The following LIPC variants were observed in gnomAD, a reference collection of about 807,000 sequenced individuals.
LIPC encodes the protein hepatic triacylglycerol lipase.
LIPC carries 44 observed loss-of-function variants against 50.7 expected under a neutral mutation model. That is an observed-to-expected ratio of 0.87 (90% CI 0.68 to 1.11). The LOEUF is 1.11. Ranked by LOEUF, LIPC falls within the 50% of genes most tolerant of loss-of-function variation. The pLI is 0.00. For synonymous variants in LIPC, 271 were observed against 256.4 expected, an observed-to-expected ratio of 1.06 and a Z score of -0.54; for missense variants, 697 against 648.2, an observed-to-expected ratio of 1.08 and a Z score of -0.82.
intron 1 of LIPC, 195 bp downstream of exon 1, chr15:58,432,315 T>A: frequency 1.6e-6 from 1 of 623,904 alleles, no homozygotes; most frequent in Admixed American, 2.7e-5. Flanking sequence ...TAGAAAATCA[T>A]CCTCGGATTA....
chr15:58,474,169 G>C (rs1410711599), intron 1 of LIPC, among the ~76,000 whole-genome samples: 2 of 152,128 alleles, frequency 1.3e-5, no homozygotes, highest in African/African-American at 4.8e-5. Context: ...AGAGGGGACG[G>C]TTTCTTCAGG....
intron 1 of LIPC, among the ~76,000 whole-genome samples, chr15:58,452,421 C>G (rs1219566439): frequency 6.6e-6 from 1 of 152,240 alleles, no homozygotes; most frequent in Non-Finnish European, 1.5e-5. Context: ...ATTGAGCAGT[C>G]TGAATTTAGA....
At chr15:58,437,904 G>A (rs1331629054) in intron 1 of LIPC, among the ~76,000 whole-genome samples, 1 of 152,148 alleles carries the variant, frequency 6.6e-6, no homozygotes, top group Non-Finnish European at 1.5e-5. Context: ...CTACAGCTGA[G>A]CAGGTCTGTG....
At chr15:58,529,886 G>A (rs576444101) in intron 1 of LIPC, among the ~76,000 whole-genome samples, 27 of 152,200 alleles carry the variant, frequency 1.8e-4, no homozygotes, top group Non-Finnish European at 3.7e-4. Context: ...CTGGTCCTTG[G>A]GGAGCAGTGG....
intron 1 of LIPC, among the ~76,000 whole-genome samples, chr15:58,479,279 G>A (rs1289024986): frequency 2.0e-5 from 3 of 152,192 alleles, no homozygotes; most frequent in Non-Finnish European, 2.9e-5. Flanking sequence ...TGACACTGTC[G>A]AAAACTGTAC....
chr15:58,485,702 A>T (rs1891350190), intron 1 of LIPC, among the ~76,000 whole-genome samples: 1 of 152,262 alleles, frequency 6.6e-6, no homozygotes, highest in Non-Finnish European at 1.5e-5. Flanking sequence ...ACTGAGAATC[A>T]GAGAAGTTCC....
intron 1 of LIPC, among the ~76,000 whole-genome samples, chr15:58,458,373 A>G (rs1356552148): frequency 6.6e-6 from 1 of 152,146 alleles, no homozygotes; most frequent in Non-Finnish European, 1.5e-5. Context: ...ACGTCCTTCT[A>G]CCTCTTGCAA....
At position 58,477,352 on chromosome 15, in the gene LIPC, C is replaced by T. The variant is rs1396121162; in HGVS notation, c.88+45232C>T. Among the ~76,000 whole-genome samples the T allele has an allele frequency of 3.9e-5, 6 of 152,296 alleles. No homozygotes were observed. The East Asian group carries it at 7.7e-4, about 20-fold the overall frequency. On this transcript the variant is annotated intron_variant, in intron 1 of 8. Transcript: ENST00000299022. Reference sequence around the variant, plus strand: ...AGCCGAGCTGAGACCACCACAGTTCCGGGGCTGGAGCCCAGCTTTGCAGAA... The same window carrying T: ...AGCCGAGCTGAGACCACCACAGTTCTGGGGCTGGAGCCCAGCTTTGCAGAA...
chr15:58,455,966 G>T (rs2140689059), intron 1 of LIPC, among the ~76,000 whole-genome samples: 1 of 152,200 alleles, frequency 6.6e-6, no homozygotes, highest in African/African-American at 2.4e-5. Flanking sequence ...CCAAGGCATG[G>T]TCCAGACCCC....
At chr15:58,533,489 C>G (rs1179010447) in intron 1 of LIPC, among the ~76,000 whole-genome samples, 1 of 152,166 alleles carries the variant, frequency 6.6e-6, no homozygotes, top group East Asian at 1.9e-4. Context: ...CTAATAGATT[C>G]CGATAAATAT....
intron 1 of LIPC, among the ~76,000 whole-genome samples, chr15:58,471,329 G>GC (rs35029529): frequency 0.056 from 416 of 7,394 alleles, 8 homozygotes; most frequent in South Asian, 0.14. Context: ...TAGTAGAGAT[G>GC]GGGGGGGGTG....
intron 1 of LIPC, among the ~76,000 whole-genome samples, chr15:58,447,208 T>C (rs936457660): frequency 6.6e-6 from 1 of 150,430 alleles, no homozygotes; most frequent in African/African-American, 2.4e-5. Flanking sequence ...TGACAAATTC[T>C]GTACCCCTGC....
intron 1 of LIPC, among the ~76,000 whole-genome samples, chr15:58,439,574 G>T (rs1279568623): frequency 2.0e-5 from 3 of 152,164 alleles, no homozygotes; most frequent in Admixed American, 1.3e-4. Flanking sequence ...CTCCTGAGTA[G>T]CCGCGATTAC....
chr15:58,488,272 T>C (rs1891445946), intron 1 of LIPC, among the ~76,000 whole-genome samples: 1 of 152,140 alleles, frequency 6.6e-6, no homozygotes, highest in African/African-American at 2.4e-5. Context: ...TCTCAATAAA[T>C]AAAGTTAAGA....
intron 1 of LIPC, among the ~76,000 whole-genome samples, chr15:58,462,820 G>A (rs1360483638): frequency 1.3e-5 from 2 of 152,174 alleles, no homozygotes; most frequent in Admixed American, 6.5e-5. Flanking sequence ...CCTCTCGGCA[G>A]AGGGGGCAGG....
chr15:58,495,568 A>G (rs953682676), intron 1 of LIPC, among the ~76,000 whole-genome samples: 17 of 152,194 alleles, frequency 1.1e-4, no homozygotes, highest in Non-Finnish European at 5.9e-5. Flanking sequence ...TACCTCATTA[A>G]AACTTCACAG....
intron 1 of LIPC, among the ~76,000 whole-genome samples, chr15:58,535,478 A>G (rs1332162132): frequency 6.6e-6 from 1 of 152,236 alleles, no homozygotes; most frequent in African/African-American, 2.4e-5. Context: ...GGGGCTTTCC[A>G]TCTGACAACT....
At chr15:58,530,679 C>G (rs1325130616) in intron 1 of LIPC, among the ~76,000 whole-genome samples, 1 of 152,340 alleles carries the variant, frequency 6.6e-6, no homozygotes, top group East Asian at 1.9e-4. Flanking sequence ...CACCCCATTC[C>G]CTGGACCCAG....
chr15:58,493,847 A>T (rs1392011491), intron 1 of LIPC, among the ~76,000 whole-genome samples: 4 of 151,972 alleles, frequency 2.6e-5, no homozygotes, highest in Non-Finnish European at 5.9e-5. Flanking sequence ...AACAACTCCC[A>T]CGGGTGTTTT....
Sources: gnomAD v4.1 joint callset for allele counts (sites outside exome capture counted in the v4.1 genomes callset) on GRCh38, gnomAD v4.1.1 for gene constraint, MANE v1.5 for transcripts, NCBI Gene and HGNC (gene_info 2026-07-23, HGNC 2026-07-21) for gene names.